PLCG2: variants seen among roughly 807,000 people sequenced by gnomAD.
PLCG2 encodes the protein phospholipase C gamma 2, also known as 1-phosphatidylinositol 4,5-bisphosphate phosphodiesterase gamma-2.
Under a neutral mutation model 175.6 loss-of-function variants are expected in PLCG2, and 69 were observed. The observed-to-expected ratio is 0.39, with a 90% CI of 0.32 to 0.48. The LOEUF (loss-of-function observed/expected upper bound fraction) is 0.48, where lower values mean the gene tolerates loss of function less well. PLCG2 is among the 20% of genes least tolerant of loss of function. The pLI, the probability that PLCG2 is intolerant of heterozygous loss-of-function variation, is 0.91. For missense variants in PLCG2, 1,798 were observed against 1,650.9 expected (o/e 1.09, Z -1.54); for synonymous variants, 827 against 624.0 (o/e 1.33, Z -4.85).
intron 1 of PLCG2, among the ~76,000 whole-genome samples, chr16:81,754,961 C>T (rs1054837683): frequency 1.3e-5 from 2 of 152,146 alleles, no homozygotes; most frequent in Non-Finnish European, 2.9e-5. Context: ...AGAACATTGG[C>T]AGAGGAAGAA....
At chr16:81,935,276 G>A (rs899140006) in intron 26 of PLCG2, among the ~76,000 whole-genome samples, 1 of 151,976 alleles carries the variant, frequency 6.6e-6, no homozygotes, top group Non-Finnish European at 1.5e-5. Flanking sequence ...CTATTATAAG[G>A]ACCCTTGTGA....
At chr16:81,847,049 C>G (rs967849951) in intron 2 of PLCG2, among the ~76,000 whole-genome samples, 15 of 152,228 alleles carry the variant, frequency 9.9e-5, no homozygotes, top group Non-Finnish European at 2.2e-4. Flanking sequence ...ATTTCAGGTG[C>G]CAGTCACAAG....
intron 2 of PLCG2, among the ~76,000 whole-genome samples, chr16:81,764,519 A>G (rs1436371129): frequency 6.6e-6 from 1 of 152,192 alleles, no homozygotes; most frequent in East Asian, 1.9e-4. Flanking sequence ...CACTTTTGCG[A>G]CACTGATCAC....
chr16:81,915,996 A>G lies in PLCG2; in HGVS notation c.2054+3280A>G, dbSNP rs528011458. Among the ~76,000 whole-genome samples, 9 of 152,302 alleles carry G rather than the reference A, an allele frequency of 5.9e-5. No individual in the cohort carries two copies. The South Asian group carries it at 1.9e-3, about 32-fold the overall frequency. The stretch of plus-strand genomic sequence containing the variant: ...GTGTCCATCCAGACATTTAAAAAAT[A>G]TGTACATATTTATACATGTCTGTAT... On this transcript the variant is annotated intron_variant, in intron 19 of 32. Coordinates refer to ENST00000564138, the MANE Select transcript of PLCG2 (RefSeq NM_002661.5).
chr16:81,909,546 A>G (rs1400034423), intron 17 of PLCG2, among the ~76,000 whole-genome samples: 1 of 152,216 alleles, frequency 6.6e-6, no homozygotes, highest in Non-Finnish European at 1.5e-5. Flanking sequence ...CCATTTAAGT[A>G]GCTGGGACTA....
chr16:81,766,314 A>G (rs1268943090), intron 2 of PLCG2, among the ~76,000 whole-genome samples: 1 of 152,218 alleles, frequency 6.6e-6, no homozygotes, highest in Non-Finnish European at 1.5e-5. Flanking sequence ...TCTCCTCTGC[A>G]GGGCTGGAGA....
chr16:81,876,313 G>C (rs1378096984), intron 7 of PLCG2, among the ~76,000 whole-genome samples: 1 of 152,180 alleles, frequency 6.6e-6, no homozygotes, highest in African/African-American at 2.4e-5. Flanking sequence ...ATGAGCCACT[G>C]TGCCTGGCCT....
intron 7 of PLCG2, among the ~76,000 whole-genome samples, chr16:81,875,891 C>T (rs1259421167): frequency 6.6e-6 from 1 of 151,920 alleles, no homozygotes; most frequent in Admixed American, 6.6e-5. Context: ...GATGAGCGTT[C>T]TGTGACGATG....
chr16:81,772,240 CAG>C (rs1253464166), intron 2 of PLCG2, among the ~76,000 whole-genome samples: 2 of 152,184 alleles, frequency 1.3e-5, no homozygotes, highest in Middle Eastern at 3.4e-3. Context: ...AAGACAGAGG[CAG>C]AGTTAGAGTG....
chr16:81,895,905 G>A lies in PLCG2; in HGVS notation c.1171G>A (p.Asp391Asn). Residue 391 changes from aspartate to asparagine, a missense_variant, in exon 13 of 33, where the codon GAC (aspartate) becomes AAC (asparagine). By Grantham distance (23) the Asp-to-Asn change is conservative. Transcript: ENST00000564138. ...TGACGACGTCGTGCAGGCCATCAAA[G>A]ACCACGCCTTTGTTACCTCGAGGTC... The part of the protein sequence containing the change: ...KFDDVVQAIK[D>N]HAFVTSSFPV... 1 of 1,614,178 alleles carries A rather than the reference G, an allele frequency of 6.2e-7. No homozygotes were observed. Among genetic ancestry groups the A allele is most frequent in the Non-Finnish European group, 8.5e-7 (1 of 1,180,030 alleles).
At chr16:81,791,942 C>G (rs1911251190) in intron 2 of PLCG2, among the ~76,000 whole-genome samples, 3 of 152,182 alleles carry the variant, frequency 2.0e-5, no homozygotes, top group Admixed American at 1.3e-4. Flanking sequence ...CTACAGGCTT[C>G]TTACGACAGC....
chr16:81,915,139 G>A (rs1022336052), intron 19 of PLCG2, among the ~76,000 whole-genome samples: 4 of 152,208 alleles, frequency 2.6e-5, no homozygotes, highest in Non-Finnish European at 5.9e-5. Flanking sequence ...TGTGATGAGT[G>A]CTACAAAGGG....
chr16:81,816,786 G>A (rs933529680), intron 2 of PLCG2, among the ~76,000 whole-genome samples: 1 of 145,440 alleles, frequency 6.9e-6, no homozygotes, highest in Non-Finnish European at 1.5e-5. Context: ...ACAGGCATTA[G>A]CCACGGTGCC....
intron 1 of PLCG2, among the ~76,000 whole-genome samples, chr16:81,750,385 A>G (rs1909783811): frequency 7.0e-6 from 1 of 141,920 alleles, no homozygotes; most frequent in African/African-American, 2.6e-5. Flanking sequence ...TCACCACTGC[A>G]CTCCAGCCTG....
At chr16:81,953,416 T>C (rs1369448794) in intron 31 of PLCG2, among the ~76,000 whole-genome samples, 1 of 152,224 alleles carries the variant, frequency 6.6e-6, no homozygotes, top group Admixed American at 6.5e-5. Context: ...CTGTACCTTT[T>C]TTGTAAGCTT....
intron 2 of PLCG2, among the ~76,000 whole-genome samples, chr16:81,789,054 A>G (rs1159939541): frequency 4.6e-5 from 7 of 152,326 alleles, no homozygotes; most frequent in Non-Finnish European, 8.8e-5. Context: ...TAGGGTATTA[A>G]CCATGGCATG....
chr16:81,875,187 C>T (rs1263920427), intron 7 of PLCG2, among the ~76,000 whole-genome samples: 1 of 152,032 alleles, frequency 6.6e-6, no homozygotes, highest in Non-Finnish European at 1.5e-5. Context: ...TAGTCTCGAA[C>T]TCCTGACCTC....
intron 2 of PLCG2, among the ~76,000 whole-genome samples, chr16:81,829,476 C>A (rs1213125312): frequency 6.6e-6 from 1 of 152,236 alleles, no homozygotes. Flanking sequence ...CCTTGGCCTC[C>A]CGAAGTGTTG....
intron 2 of PLCG2, among the ~76,000 whole-genome samples, chr16:81,835,493 C>A (rs529913502): frequency 6.6e-6 from 1 of 151,958 alleles, no homozygotes; most frequent in Non-Finnish European, 1.5e-5. Flanking sequence ...GTATGAGAAT[C>A]GCTTAAACCT....
Sources: allele counts gnomAD v4.1 joint callset (sites outside exome capture counted in the v4.1 genomes callset), GRCh38; gene constraint gnomAD v4.1.1; transcripts MANE v1.5; gene names NCBI Gene and HGNC (gene_info 2026-07-23, HGNC 2026-07-21).